TARBP1: variants seen among roughly 807,000 people sequenced by gnomAD.
The protein encoded by TARBP1 is tRNA guanosine 2 -O-methyltransferase TARBP1, also known as tRNA (guanosine(18)-2'-O)-methyltransferase TARBP1.
A neutral mutation model predicts 178.6 loss-of-function variants in TARBP1; 144 were observed. That is an observed-to-expected ratio of 0.81 (90% CI 0.70 to 0.93). The LOEUF (loss-of-function observed/expected upper bound fraction) is 0.93. Among genes scored for constraint, TARBP1 ranks in the 40% least tolerant of loss-of-function variants. The pLI, the probability that TARBP1 is intolerant of heterozygous loss-of-function variation, is 0.00. For missense variants in TARBP1, 2,067 were observed against 2,011.7 expected (o/e 1.03, Z -0.53); for synonymous variants, 787 against 781.0 (o/e 1.01, Z -0.13).
intron 5 of TARBP1, among the ~76,000 whole-genome samples, chr1:234,464,612 A>G (rs990788925): frequency 1.3e-5 from 2 of 152,244 alleles, no homozygotes; most frequent in African/African-American, 4.8e-5. Context: ...ACTAAAAATA[A>G]TTGGCAAATC....
At chr1:234,433,820 C>T (rs1381532083) in intron 13 of TARBP1, among the ~76,000 whole-genome samples, 5 of 152,190 alleles carry the variant, frequency 3.3e-5, no homozygotes, top group Admixed American at 2.6e-4. Flanking sequence ...CATCTGTCTC[C>T]CTACCTATGA....
At chr1:234,471,555 T>C (rs1450969703) in intron 2 of TARBP1, among the ~76,000 whole-genome samples, 1 of 152,202 alleles carries the variant, frequency 6.6e-6, no homozygotes, top group East Asian at 1.9e-4. Context: ...GGACTGCCAA[T>C]ACTAAGATAT....
chr1:234,406,237 C>T (rs1315637061), intron 23 of TARBP1, 138 bp from the exon 24 acceptor site: 6 of 720,332 alleles, frequency 8.3e-6, no homozygotes, highest in Non-Finnish European at 1.1e-5. Context: ...ACCAGGGCCT[C>T]TCATTCTTCC....
chr1:234,466,043 T>TGA (rs1367720113), intron 4 of TARBP1, among the ~76,000 whole-genome samples: 1 of 151,812 alleles, frequency 6.6e-6, no homozygotes, highest in Non-Finnish European at 1.5e-5. Context: ...ACCAAAAAGA[T>TGA]ACTCAAGAGA....
chr1:234,479,074 G>A lies in TARBP1; in HGVS notation c.30C>T (p.Leu10=), dbSNP rs758550646. MEWVLAEAL[L]SQSRDPRALL... ...GGGCCCGGGGGTCCCGGCTCTGCGA[G>A]AGCAGCGCTTCCGCGAGCACCCACT... The change falls in exon 1 of 30, where the codon CTC becomes CTT. Residue 10 remains leucine (L), a synonymous_variant. Transcript: ENST00000040877. 1 of 1,540,052 alleles carries A rather than the reference G, an allele frequency of 6.5e-7. No individual in the cohort carries two copies. Among genetic ancestry groups the A allele is most frequent in the Admixed American group, 1.9e-5 (1 of 51,702 alleles).
At position 234,478,631 on chromosome 1, in the gene TARBP1, G is replaced by C. The variant is rs1669820761; in HGVS notation, c.473C>G (p.Pro158Arg). 3.9e-6 allele frequency: 5 copies of C among 1,297,356 alleles called. No individual in the cohort carries two copies. The highest frequency in any genetic ancestry group is 4.9e-6 in the Non-Finnish European group (5 of 1,023,082). 80.4% of individuals were successfully genotyped at this position (1,297,356 alleles called of 1,614,324 possible). A position where few individuals can be genotyped will look rare whatever the true frequency, so the allele number is the denominator to read the frequency against. The change falls in exon 1 of 30, where the codon CCG (proline) becomes CGG (arginine). Residue 158 changes from proline to arginine, a missense_variant. Pro to Arg is a moderately radical substitution (Grantham distance 103). Coordinates refer to ENST00000040877, the MANE Select transcript of TARBP1 (RefSeq NM_005646.4). ...GPCLRPREDG[P>R]LLERVAGTAV... ...GGTCCCCGCCACGCGCTCCAGTAGC[G>C]GCCCGTCCTCGCGGGGCCGCAAACA...
intron 6 of TARBP1, among the ~76,000 whole-genome samples, chr1:234,463,071 C>T (rs577753489): frequency 1.3e-5 from 2 of 152,076 alleles, no homozygotes; most frequent in Non-Finnish European, 2.9e-5. Context: ...ACATCTCCAA[C>T]CTGAAGATGG....
chr1:234,478,838 T>G lies in TARBP1; in HGVS notation c.266A>C (p.Gln89Pro), dbSNP rs1669845103. ...CAGCACGCGCCGGCGGTGGCGAGGC[T>G]GCAGACTGGGGTCCGGGCCGCCCGC... ...RPAGGPDPSL[Q>P]PRHRRRVLRA... The change falls in exon 1 of 30, where the codon CAG becomes CCG. Residue 89 changes from glutamine (Q) to proline (P), a missense_variant. Transcript: ENST00000040877. 9.1e-6 allele frequency: 11 copies of G among 1,212,976 alleles called. No individual in the cohort carries two copies. The highest frequency in any genetic ancestry group is 1.6e-5 in the African/African-American group (1 of 62,762). The allele number at this position is 1,212,976 out of a possible 1,614,324, so 75.1% of individuals were successfully genotyped here. A position where few individuals can be genotyped will look rare whatever the true frequency, so the allele number is the denominator to read the frequency against.
At chr1:234,477,191 C>CAAAG (rs1313476239) in intron 1 of TARBP1, among the ~76,000 whole-genome samples, 5 of 152,102 alleles carry the variant, frequency 3.3e-5, no homozygotes, top group African/African-American at 1.2e-4. Flanking sequence ...ATAAAACAAA[C>CAAAG]AAACAAACAA....
chr1:234,471,383 T>C, intron 2 of TARBP1, 126 bp from the exon 3 acceptor site: 1 of 650,236 alleles, frequency 1.5e-6, no homozygotes, highest in Non-Finnish European at 2.7e-6. Flanking sequence ...AAGAGCCTGA[T>C]TTATCCAGTT....
intron 20 of TARBP1, 134 bp from the exon 21 acceptor site, chr1:234,420,946 T>C (rs533769615): frequency 2.1e-6 from 1 of 479,926 alleles, no homozygotes; most frequent in East Asian, 3.3e-5. Context: ...AAAAAGCAGT[T>C]AGGAGGATGA....
intron 1 of TARBP1, among the ~76,000 whole-genome samples, 177 bp from the exon 2 acceptor site, chr1:234,472,988 T>TG (rs1669217887): frequency 6.6e-6 from 1 of 151,516 alleles, no homozygotes; most frequent in African/African-American, 2.4e-5. Flanking sequence ...GATTTTTTTT[T>TG]GCACTAAGAT....
intron 9 of TARBP1, among the ~76,000 whole-genome samples, chr1:234,455,715 C>T (rs1007792657): frequency 6.6e-6 from 1 of 151,702 alleles, no homozygotes; most frequent in African/African-American, 2.4e-5. Context: ...CTTCAAATCA[C>T]GTAAATTCAT....
At chr1:234,444,748 C>G (rs1158341423) in intron 12 of TARBP1, among the ~76,000 whole-genome samples, 1 of 152,060 alleles carries the variant, frequency 6.6e-6, no homozygotes, top group East Asian at 1.9e-4. Context: ...CTATATCCAC[C>G]CACCTACCTG....
chr1:234,437,151 C>T, intron 13 of TARBP1, 124 bp downstream of exon 13: 2 of 488,550 alleles, frequency 4.1e-6, no homozygotes, highest in African/African-American at 2.0e-5. Flanking sequence ...TTTGCTGCTT[C>T]CTAAGACCGC....
At chr1:234,437,561 C>T (rs1434112344) in intron 12 of TARBP1, among the ~76,000 whole-genome samples, 189 bp from the exon 13 acceptor site, 1 of 152,116 alleles carries the variant, frequency 6.6e-6, no homozygotes, top group Non-Finnish European at 1.5e-5. Context: ...TTAGGAGTTC[C>T]AGTTGTGGGT....
intron 23 of TARBP1, chr1:234,406,981 T>A (rs959089617): frequency 6.6e-6 from 1 of 152,274 alleles, no homozygotes; most frequent in East Asian, 1.9e-4. Context: ...GGCATCAGCA[T>A]GGCTGATAAC....
chr1:234,478,564 C>T lies in TARBP1; in HGVS notation c.540G>A (p.Glu180=). Residue 180 remains glutamate, a synonymous_variant, in exon 1 of 30, where the codon GAG becomes GAA. Coordinates refer to ENST00000040877, the MANE Select transcript of TARBP1 (RefSeq NM_005646.4). ...LALGGGGDGD[E]AGPAEDAAAL... ...CCGCCGCGTCCTCGGCAGGCCCGGC[C>T]TCATCCCCGTCCCCGCCCCCGCCCA... 2.3e-6 allele frequency: 3 copies of T among 1,303,140 alleles called. No homozygotes were observed. The highest frequency in any genetic ancestry group is 2.0e-5 in the South Asian group (1 of 49,268). 80.7% of individuals were successfully genotyped at this position (1,303,140 alleles called of 1,614,324 possible). A position where few individuals can be genotyped will look rare whatever the true frequency, so the allele number is the denominator to read the frequency against.
In TARBP1 at chr1:234,427,304, C is replaced by T. The variant is rs769443949; in HGVS notation, c.3323+13G>A. On this transcript the variant is annotated intron_variant, in intron 19 of 29. Transcript: ENST00000040877. ...TCATTTATGTGAAGACAGAGAAAATCTACCATACTTACTTTTCCATAACAA... is the reference window on the plus strand; with the variant it reads ...TCATTTATGTGAAGACAGAGAAAATTTACCATACTTACTTTTCCATAACAA... The T allele has an allele frequency of 1.3e-5, 21 of 1,591,024 alleles. No individual in the cohort carries two copies. Among genetic ancestry groups the T allele is most frequent in the Non-Finnish European group, 4.3e-6 (5 of 1,163,622 alleles).
Sources: allele counts gnomAD v4.1 joint callset (sites outside exome capture counted in the v4.1 genomes callset), GRCh38; gene constraint gnomAD v4.1.1; transcripts MANE v1.5; gene names NCBI Gene and HGNC (gene_info 2026-07-23, HGNC 2026-07-21).